The following KIF26B variants were observed in gnomAD, a reference collection of about 807,000 sequenced individuals.
KIF26B encodes the protein kinesin family member 26B, also known as kinesin-like protein KIF26B.
A neutral mutation model predicts 151.2 loss-of-function variants in KIF26B; 63 were observed. The observed-to-expected ratio is 0.42, with a 90% CI of 0.34 to 0.51. The LOEUF (loss-of-function observed/expected upper bound fraction) is 0.51. KIF26B is among the 20% of genes least tolerant of loss of function. The pLI is 0.07. For missense variants in KIF26B, 2,813 were observed against 2,913.6 expected (o/e 0.97, Z 0.79); for synonymous variants, 1,357 against 1,262.1 (o/e 1.08, Z -1.59).
chr1:245,249,342 G>A (rs1041698967), intron 2 of KIF26B, among the ~76,000 whole-genome samples: 2 of 151,984 alleles, frequency 1.3e-5, no homozygotes, highest in Non-Finnish European at 1.5e-5. Context: ...CTTGTGATCC[G>A]CCCGCCTTGG....
intron 2 of KIF26B, among the ~76,000 whole-genome samples, chr1:245,236,023 G>T (rs1438101703): frequency 6.6e-6 from 1 of 151,436 alleles, no homozygotes; most frequent in Non-Finnish European, 1.5e-5. Context: ...TCCACCTCCT[G>T]GGGTCAAGTG....
chr1:245,385,011 T>C (rs532382283), intron 3 of KIF26B, among the ~76,000 whole-genome samples: 1 of 152,186 alleles, frequency 6.6e-6, no homozygotes, highest in African/African-American at 2.4e-5. Context: ...GACCTAATCA[T>C]CTAGCTTGTA....
At chr1:245,422,393 TA>T in intron 4 of KIF26B, among the ~76,000 whole-genome samples, 1 of 152,162 alleles carries the variant, frequency 6.6e-6, no homozygotes, top group African/African-American at 2.4e-5. Flanking sequence ...GGCAGCATAT[TA>T]ATAACCCCCC....
intron 4 of KIF26B, among the ~76,000 whole-genome samples, chr1:245,468,032 A>G (rs1445207338): frequency 7.7e-6 from 1 of 129,468 alleles, no homozygotes; most frequent in East Asian, 2.7e-4. Flanking sequence ...TCTTTGATCT[A>G]TGGCCTCCTA....
rs180735499 is a variant in KIF26B, at chr1:245,649,621, C to T, written c.2258+3341C>T. On this transcript the variant is annotated intron_variant, in intron 10 of 14. Transcript: ENST00000407071. Reference sequence around the variant, plus strand: ...TCCTCTTACTCCTCCTGCTCACTTACGGAGGGTGGCGGGGGGAACAAAAAT... The same window carrying T: ...TCCTCTTACTCCTCCTGCTCACTTATGGAGGGTGGCGGGGGGAACAAAAAT... Among the ~76,000 whole-genome samples, 120 of 152,242 alleles carry T rather than the reference C, an allele frequency of 7.9e-4. 1 individual carries two copies. Among genetic ancestry groups the T allele is most frequent in the Non-Finnish European group, 1.1e-3 (73 of 68,000 alleles).
chr1:245,372,652 C>T (rs1004440453), intron 3 of KIF26B, among the ~76,000 whole-genome samples: 2 of 152,214 alleles, frequency 1.3e-5, no homozygotes, highest in Admixed American at 1.3e-4. Context: ...TAATCAACTA[C>T]AGATTAGTTA....
intron 10 of KIF26B, among the ~76,000 whole-genome samples, chr1:245,651,755 C>T (rs576248935): frequency 7.4e-4 from 113 of 152,188 alleles, no homozygotes; most frequent in East Asian, 2.5e-3. Context: ...ACTGTGTGTG[C>T]GAGGGATCTA....
chr1:245,470,469 C>T (rs935063765), intron 4 of KIF26B, among the ~76,000 whole-genome samples: 1 of 150,826 alleles, frequency 6.6e-6, no homozygotes, highest in Non-Finnish European at 1.5e-5. Context: ...CTCACTCTGT[C>T]GCCCAGGCTG....
intron 4 of KIF26B, among the ~76,000 whole-genome samples, chr1:245,502,329 C>T (rs1437756848): frequency 6.6e-6 from 1 of 152,032 alleles, no homozygotes; most frequent in Non-Finnish European, 1.5e-5. Flanking sequence ...GAGTTTGAGA[C>T]CAGCCTAACC....
intron 2 of KIF26B, among the ~76,000 whole-genome samples, chr1:245,180,336 C>T (rs1278240841): frequency 4.0e-5 from 6 of 150,604 alleles, no homozygotes; most frequent in African/African-American, 1.5e-4. Flanking sequence ...AGAGTGTGGC[C>T]ATTGGAGTCC....
chr1:245,507,385 C>G (rs1660746032), intron 4 of KIF26B, among the ~76,000 whole-genome samples: 2 of 152,200 alleles, frequency 1.3e-5, no homozygotes, highest in African/African-American at 4.8e-5. Flanking sequence ...GCCAACAAAG[C>G]CTTGGCCAGC....
intron 5 of KIF26B, among the ~76,000 whole-genome samples, chr1:245,566,656 G>A (rs1011085675): frequency 2.8e-4 from 42 of 152,198 alleles, no homozygotes; most frequent in African/African-American, 9.4e-4. Context: ...TGGGCTGGGC[G>A]TGGTGGCTCA....
rs922486421 is a variant in KIF26B, at chr1:245,275,042, T to C, written c.466-91792T>C. ...CTAACTGGCGTGAGATGGTATCTCA[T>C]TGTAGTTTTGGTTTGCATTTCTCTA... is the stretch of plus-strand genomic sequence containing the variant. On this transcript the variant is annotated intron_variant, in intron 2 of 14. Transcript: ENST00000407071. 2.0e-5 allele frequency among the ~76,000 whole-genome samples: 3 copies of C among 152,228 alleles called. 1 individual carries two copies. The highest frequency in any genetic ancestry group is 7.2e-5 in the African/African-American group (3 of 41,462).
chr1:245,575,586 T>A (rs1050757319), intron 5 of KIF26B, among the ~76,000 whole-genome samples: 6 of 152,170 alleles, frequency 3.9e-5, no homozygotes, highest in Admixed American at 1.3e-4. Flanking sequence ...AACTCTTAGA[T>A]ATGTCAGGTT....
chr1:245,331,539 G>A (rs904841394), intron 2 of KIF26B, among the ~76,000 whole-genome samples: 2 of 152,172 alleles, frequency 1.3e-5, no homozygotes, highest in Non-Finnish European at 2.9e-5. Context: ...ACACCTTTGT[G>A]ACACTTCGTC....
At position 245,564,361 on chromosome 1, in the gene KIF26B, C is replaced by T. The variant is rs1340977509; in HGVS notation, c.1350+23411C>T. Among the ~76,000 whole-genome samples, 3 of 152,288 alleles carry T rather than the reference C, an allele frequency of 2.0e-5. No homozygotes were observed. Among genetic ancestry groups the T allele is most frequent in the East Asian group, 1.9e-4 (1 of 5,182 alleles). ...ATGTTCTGGACTCTCTTCTACGACA[C>T]GGAGACCTTTCCCGGAGCAGGAACG... is the stretch of plus-strand genomic sequence containing the variant. On this transcript the variant is annotated intron_variant, in intron 5 of 14. Coordinates refer to ENST00000407071, the MANE Select transcript of KIF26B (RefSeq NM_018012.4). This position sits in a 1 kb window ranked among gnomAD's most constrained non-coding sequence, Gnocchi z 4.6.
chr1:245,180,536 T>C (rs1668887897), intron 2 of KIF26B, among the ~76,000 whole-genome samples: 1 of 152,206 alleles, frequency 6.6e-6, no homozygotes, highest in Admixed American at 6.5e-5. Flanking sequence ...CAGTAGGTGC[T>C]AGCTATCATC....
intron 9 of KIF26B, among the ~76,000 whole-genome samples, chr1:245,641,616 C>T (rs376930772): frequency 8.6e-5 from 13 of 152,002 alleles, no homozygotes; most frequent in South Asian, 4.1e-4. Flanking sequence ...TCCTCTGATA[C>T]GCTCTATTGC....
At chr1:245,246,826 A>T (rs1006299201) in intron 2 of KIF26B, among the ~76,000 whole-genome samples, 1 of 151,952 alleles carries the variant, frequency 6.6e-6, no homozygotes, top group South Asian at 2.1e-4. Flanking sequence ...ACATTATAAT[A>T]TATATAGATG....
Sources: allele counts gnomAD v4.1 joint callset (sites outside exome capture counted in the v4.1 genomes callset), GRCh38; gene constraint gnomAD v4.1.1; non-coding constraint Gnocchi (gnomAD v3.1); transcripts MANE v1.5; gene names NCBI Gene and HGNC (gene_info 2026-07-23, HGNC 2026-07-21).